ENOX1: variants seen among roughly 807,000 people sequenced by gnomAD.
ENOX1 encodes candidate growth-related and time keeping constitutive hydroquinone (NADH) oxidase.
In ENOX1, 42 loss-of-function variants were observed where a neutral mutation model predicts 82.5. The ratio of observed to expected loss-of-function variants is 0.51; its 90% CI spans 0.40 to 0.66. The LOEUF is 0.66. ENOX1 is among the 30% of genes least tolerant of loss of function. The pLI is 0.00. For synonymous variants in ENOX1, 271 were observed against 282.2 expected (o/e 0.96, Z 0.40); for missense variants, 608 against 811.6 (o/e 0.75, Z 3.05).
chr13:43,784,143 C>T (rs182114546), intron 1 of ENOX1, among the ~76,000 whole-genome samples: 12 of 152,252 alleles, frequency 7.9e-5, no homozygotes, highest in African/African-American at 1.4e-4. Context: ...AACATATATA[C>T]GAATAAATAC....
At chr13:43,372,641 A>G (rs1243337609) in intron 5 of ENOX1, among the ~76,000 whole-genome samples, 1 of 152,202 alleles carries the variant, frequency 6.6e-6, no homozygotes, top group East Asian at 1.9e-4. Context: ...CAAGTTTACA[A>G]AAGAGGCAAA....
chr13:43,708,072 T>C (rs2087435027), intron 1 of ENOX1, among the ~76,000 whole-genome samples: 3 of 152,174 alleles, frequency 2.0e-5, no homozygotes, highest in Admixed American at 1.3e-4. Flanking sequence ...AGAGAACACC[T>C]GAAGCTGATG....
At chr13:43,754,872 T>TA (rs1950562293) in intron 1 of ENOX1, among the ~76,000 whole-genome samples, 1 of 152,192 alleles carries the variant, frequency 6.6e-6, no homozygotes, top group South Asian at 2.1e-4. Context: ...TGACTGGTCT[T>TA]AGACTCCTGA....
rs539613470 is a variant in ENOX1 at position 43,225,304 on chromosome 13, A to G, written c.1715-1166T>C. Among the ~76,000 whole-genome samples the G allele has an allele frequency of 9.8e-5, 15 of 152,294 alleles. No individual in the cohort carries two copies. The East Asian group carries it at 2.7e-3, about 27-fold the overall frequency. ...GAGGGAAAGGGCTGAGAATCTCCCT[A>G]TTAGGGATTATGCCCATTACCAGGG... On this transcript the variant is annotated intron_variant, in intron 15 of 16. Transcript: ENST00000690772.
chr13:43,598,525 C>T (rs1174747606), intron 2 of ENOX1, among the ~76,000 whole-genome samples: 2 of 152,156 alleles, frequency 1.3e-5, no homozygotes, highest in African/African-American at 4.8e-5. Context: ...CTGTTCCTAA[C>T]GGGGGCTCCT....
rs1351774628 is a variant in ENOX1, at chr13:43,466,284, AAAAC to A, written c.-75+17721_-75+17724del. Among the ~76,000 whole-genome samples, 7 of 152,332 alleles carry A rather than the reference AAAAC, an allele frequency of 4.6e-5. No homozygotes were observed. The East Asian group carries it at 1.3e-3, about 29-fold the overall frequency. ...AAAGTAAAAATCCACTAAGGATTTA[AAAAC>A]AAACACTCATCAATTAGAAATGAAA... is the stretch of plus-strand genomic sequence containing the variant. On this transcript the variant is annotated intron_variant, in intron 3 of 16. Coordinates refer to ENST00000690772, the MANE Select transcript of ENOX1 (RefSeq NM_001347969.2).
At chr13:43,446,998 A>G (rs1390469498) in intron 3 of ENOX1, among the ~76,000 whole-genome samples, 1 of 152,224 alleles carries the variant, frequency 6.6e-6, no homozygotes, top group Admixed American at 6.5e-5. Flanking sequence ...GGCAAATGAA[A>G]TTTGCCTTAG....
chr13:43,436,981 C>T (rs963125122), intron 3 of ENOX1, among the ~76,000 whole-genome samples: 1 of 152,038 alleles, frequency 6.6e-6, no homozygotes, highest in Non-Finnish European at 1.5e-5. Flanking sequence ...GAACCAAGGA[C>T]ACGAGGGTAA....
intron 3 of ENOX1, among the ~76,000 whole-genome samples, chr13:43,476,667 T>G (rs1009366187): frequency 1.3e-5 from 2 of 152,270 alleles, no homozygotes; most frequent in Admixed American, 1.3e-4. Context: ...TATAGTTGAT[T>G]GAGATATAAC....
chr13:43,523,368 T>A (rs916715424), intron 2 of ENOX1, among the ~76,000 whole-genome samples: 1 of 152,116 alleles, frequency 6.6e-6, no homozygotes, highest in African/African-American at 2.4e-5. Flanking sequence ...ATGGTAAGAT[T>A]ATGCAGATAA....
chr13:43,641,529 A>ATTTTTTTTTTTTTTTTT (rs769737189), intron 2 of ENOX1, among the ~76,000 whole-genome samples: 4 of 83,092 alleles, frequency 4.8e-5, no homozygotes, highest in Admixed American at 2.0e-4. Flanking sequence ...TTAATTTTTA[A>ATTTTTTTTTTTTTTTTT]TTTTTTTTTT....
At chr13:43,229,738 A>C (rs2042191372) in intron 15 of ENOX1, among the ~76,000 whole-genome samples, 1 of 152,174 alleles carries the variant, frequency 6.6e-6, no homozygotes, top group Admixed American at 6.5e-5. Flanking sequence ...CAAAGGGAGA[A>C]GCGGACTCCA....
At chr13:43,413,323 C>G (rs1053180175) in intron 3 of ENOX1, among the ~76,000 whole-genome samples, 1 of 152,180 alleles carries the variant, frequency 6.6e-6, no homozygotes, top group African/African-American at 2.4e-5. Flanking sequence ...CTTTTCCACA[C>G]ACACTACACA....
At chr13:43,368,253 T>A (rs2050979848) in intron 5 of ENOX1, among the ~76,000 whole-genome samples, 1 of 152,236 alleles carries the variant, frequency 6.6e-6, no homozygotes, top group African/African-American at 2.4e-5. Flanking sequence ...TAAAACCCTC[T>A]GTCTCCTTTG....
At chr13:43,510,277 T>C (rs1475311330) in intron 2 of ENOX1, among the ~76,000 whole-genome samples, 1 of 152,108 alleles carries the variant, frequency 6.6e-6, no homozygotes, top group Admixed American at 6.6e-5. Context: ...CTATTTCTGA[T>C]GCATTCATAC....
At chr13:43,579,138 G>A (rs1386119582) in intron 2 of ENOX1, among the ~76,000 whole-genome samples, 1 of 152,034 alleles carries the variant, frequency 6.6e-6, no homozygotes, top group African/African-American at 2.4e-5. Flanking sequence ...TCAAAGTGTA[G>A]AGAATAGTGT....
At chr13:43,413,699 T>TTTATATA (rs1566157187) in intron 3 of ENOX1, among the ~76,000 whole-genome samples, 7 of 146,676 alleles carry the variant, frequency 4.8e-5, no homozygotes, top group Non-Finnish European at 9.0e-5. Context: ...ATATATATAT[T>TTTATATA]TTTATATATT....
intron 7 of ENOX1, among the ~76,000 whole-genome samples, chr13:43,358,547 GGTTCTTGAGATAGAAAAATCC>G (rs1255429714): frequency 1.3e-5 from 2 of 151,994 alleles, no homozygotes; most frequent in African/African-American, 4.8e-5. Flanking sequence ...CCCAGGATAG[GGTTCTTGAGATAGAAAAATCC>G]GTCCTTCTTT....
At chr13:43,528,284 C>T (rs945232243) in intron 2 of ENOX1, among the ~76,000 whole-genome samples, 6 of 152,096 alleles carry the variant, frequency 3.9e-5, no homozygotes, top group African/African-American at 1.4e-4. Flanking sequence ...GTCCTCCAGT[C>T]CTACCCTATG....
Sources: gnomAD v4.1 joint callset for allele counts (sites outside exome capture counted in the v4.1 genomes callset) on GRCh38, gnomAD v4.1.1 for gene constraint, MANE v1.5 for transcripts, NCBI Gene and HGNC (gene_info 2026-07-23, HGNC 2026-07-21) for gene names.